ENY2: variants seen among roughly 807,000 people sequenced by gnomAD.
ENY2 encodes the protein transcription and mRNA export factor ENY2.
Under a neutral mutation model 15.9 loss-of-function variants are expected in ENY2, and 4 were observed. That is an observed-to-expected ratio of 0.25 (90% CI 0.12 to 0.57). The LOEUF is 0.57. Among genes scored for constraint, ENY2 ranks in the 20% least tolerant of loss-of-function variants. ENY2 has a pLI of 0.91. For synonymous variants in ENY2, 48 were observed against 38.0 expected (o/e 1.26, Z -0.97); for missense variants, 54 against 117.2 (o/e 0.46, Z 2.49).
chr8:109,344,592 T>G lies in ENY2; in HGVS notation c.*1111T>G, dbSNP rs1816196047. The G allele has an allele frequency of 6.6e-6, 1 of 152,198 alleles. No homozygotes were observed. Among genetic ancestry groups the G allele is most frequent in the African/African-American group, 2.4e-5 (1 of 41,440 alleles). 9.4% of individuals were successfully genotyped at this position (152,198 alleles called of 1,614,324 possible). On this transcript the variant is annotated 3_prime_UTR_variant, in exon 5 of 5. Coordinates refer to ENST00000521688, the MANE Select transcript of ENY2 (RefSeq NM_020189.6). ...CCCCCAATAATTGCCCCTGCTATAT[T>G]CCTTATTTCTGAATGGTACCTCCTA...
intron 2 of ENY2, 90 bp downstream of exon 2, chr8:109,336,294 G>A (rs980938006): frequency 5.6e-6 from 6 of 1,074,576 alleles, no homozygotes; most frequent in African/African-American, 4.8e-5. Context: ...ACATGTCACT[G>A]GAAAGAATTA....
At chr8:109,335,281 G>T (rs1815939014) in intron 1 of ENY2, 1 of 151,744 alleles carries the variant, frequency 6.6e-6, no homozygotes, top group Non-Finnish European at 1.5e-5. Flanking sequence ...TTTAGCAGTT[G>T]TAATTGTGGG....
intron 4 of ENY2, among the ~76,000 whole-genome samples, chr8:109,342,156 AC>A (rs372493260): frequency 0.079 from 11,165 of 141,738 alleles, 578 homozygotes; most frequent in Non-Finnish European, 0.12. Context: ...GTTTTAGTTA[AC>A]CCCCCCCTTT....
At chr8:109,337,642 G>A (rs1563691690) in intron 2 of ENY2, among the ~76,000 whole-genome samples, 2 of 152,154 alleles carry the variant, frequency 1.3e-5, no homozygotes, top group South Asian at 4.1e-4. Flanking sequence ...AGTGGCTCAC[G>A]CCTGTAATCC....
chr8:109,334,689 T>C (rs1815916516), intron 1 of ENY2: 2 of 573,292 alleles, frequency 3.5e-6, no homozygotes, highest in South Asian at 4.5e-5. Context: ...TGTTCTATTT[T>C]CCCTAAGAAT....
In ENY2 at chr8:109,334,371, G is replaced by C; in HGVS notation, c.-98G>C. 2 of 1,565,290 alleles carry C rather than the reference G, an allele frequency of 1.3e-6. No homozygotes were observed. The highest frequency in any genetic ancestry group is 1.8e-6 in the Non-Finnish European group (2 of 1,141,710). On this transcript the variant is annotated 5_prime_UTR_variant, in exon 1 of 5. Coordinates refer to ENST00000521688, the MANE Select transcript of ENY2 (RefSeq NM_020189.6). Reference sequence around the variant, plus strand: ...TGTGTGCTTAGGTGCCCGAGCTACTGAGGGTCTAAGTCCGGGCAGCCGAAG... The same window carrying C: ...TGTGTGCTTAGGTGCCCGAGCTACTCAGGGTCTAAGTCCGGGCAGCCGAAG...
rs1389346266 is a variant in ENY2, at chr8:109,344,222, TC to T, written c.*743del. ...TGCTGGAAAATGCGAATGTTGACCA[TC>T]CTGCCACTTGGAACTCTCTTCCCAC... On this transcript the variant is annotated 3_prime_UTR_variant, in exon 5 of 5. Transcript: ENST00000521688. 2.0e-5 allele frequency: 3 copies of T among 152,304 alleles called. No homozygotes were observed. The highest frequency in any genetic ancestry group is 4.8e-5 in the African/African-American group (2 of 41,466). The allele number at this position is 152,304 out of a possible 1,614,324, so 9.4% of individuals were successfully genotyped here. A position where few individuals can be genotyped will look rare whatever the true frequency, so the allele number is the denominator to read the frequency against.
In ENY2 at chr8:109,334,349, G is replaced by A; in HGVS notation, c.-120G>A. On this transcript the variant is annotated 5_prime_UTR_variant, in exon 1 of 5. It adds an upstream start codon to the 5' untranslated region. Coordinates refer to ENST00000521688, the MANE Select transcript of ENY2 (RefSeq NM_020189.6). ...GGAAATGCGTGTTCTAGCTTTCTGT[G>A]TGCTTAGGTGCCCGAGCTACTGAGG... is the stretch of plus-strand genomic sequence containing the variant. The A allele has an allele frequency of 1.4e-6, 2 of 1,459,754 alleles. No homozygotes were observed. Among genetic ancestry groups the A allele is most frequent in the Non-Finnish European group, 1.9e-6 (2 of 1,054,550 alleles). The allele number at this position is 1,459,754 out of a possible 1,614,324, so 90.4% of individuals were successfully genotyped here. A position where few individuals can be genotyped will look rare whatever the true frequency, so the allele number is the denominator to read the frequency against.
intron 3 of ENY2, chr8:109,340,238 A>T: frequency 2.2e-6 from 1 of 453,812 alleles, no homozygotes; most frequent in South Asian, 2.3e-5. Flanking sequence ...TGAATATTAC[A>T]GTCTAAATTT....
At chr8:109,340,102 T>C (rs1816082610) in intron 3 of ENY2, among the ~76,000 whole-genome samples, 2 of 145,134 alleles carry the variant, frequency 1.4e-5, no homozygotes, top group South Asian at 4.4e-4. Flanking sequence ...ACCTGTGAAG[T>C]GGGAAAATGC....
intron 1 of ENY2, 35 bp from the exon 2 acceptor site, chr8:109,336,093 A>C: frequency 6.2e-7 from 1 of 1,603,838 alleles, no homozygotes; most frequent in Non-Finnish European, 8.5e-7. Flanking sequence ...TGCTTTGTAA[A>C]TGTTCTATAT....
chr8:109,338,636 G>A (rs986302417), intron 2 of ENY2: 2 of 152,112 alleles, frequency 1.3e-5, no homozygotes, highest in African/African-American at 2.4e-5. Context: ...TTGTAAAAGT[G>A]GATATGGCAA....
intron 4 of ENY2, among the ~76,000 whole-genome samples, chr8:109,340,990 C>T (rs1816099635): frequency 6.6e-6 from 1 of 152,096 alleles, no homozygotes; most frequent in Admixed American, 6.5e-5. Flanking sequence ...TAAATGTCTA[C>T]TTAAGAATTT....
At chr8:109,340,860 G>C (rs550328030) in intron 4 of ENY2, 1 of 243,580 alleles carries the variant, frequency 4.1e-6, no homozygotes, top group African/African-American at 2.3e-5. Flanking sequence ...ATGAAGCTAG[G>C]ATTTATAAAC....
chr8:109,336,262 A>G, intron 2 of ENY2, 58 bp downstream of exon 2: 1 of 1,366,246 alleles, frequency 7.3e-7, no homozygotes, highest in African/African-American at 1.5e-5. Context: ...GTTAGCTTGT[A>G]AGAATCTAAA....
intron 4 of ENY2, among the ~76,000 whole-genome samples, chr8:109,342,164 C>CT (rs66571830): frequency 0.014 from 1,858 of 130,930 alleles, 26 homozygotes; most frequent in African/African-American, 0.036. Flanking sequence ...TAACCCCCCC[C>CT]TTTTTTTTTT....
At chr8:109,334,904 C>G in intron 1 of ENY2, 1 of 166,712 alleles carries the variant, frequency 6.0e-6, no homozygotes, top group East Asian at 1.7e-4. Flanking sequence ...CAAGCATTTC[C>G]TAGTTCTCAC....
At chr8:109,335,952 A>G in intron 1 of ENY2, 176 bp from the exon 2 acceptor site, 1 of 511,024 alleles carries the variant, frequency 2.0e-6, no homozygotes, top group Non-Finnish European at 3.4e-6. Flanking sequence ...ACACTGCATT[A>G]GCCCAGTGCC....
At position 109,343,917 on chromosome 8, in the gene ENY2, C is replaced by G. The variant is rs983064279; in HGVS notation, c.*436C>G. On this transcript the variant is annotated 3_prime_UTR_variant, in exon 5 of 5. Coordinates refer to ENST00000521688, the MANE Select transcript of ENY2 (RefSeq NM_020189.6). ...TTGTCTTATTCGTATTGTTTATAAA[C>G]TTTGAGGGTTAGGACTGGGTCTTAC... 1 of 153,128 alleles carries G rather than the reference C, an allele frequency of 6.5e-6. No individual in the cohort carries two copies. Among genetic ancestry groups the G allele is most frequent in the Non-Finnish European group, 1.5e-5 (1 of 68,780 alleles). 9.5% of individuals were successfully genotyped at this position (153,128 alleles called of 1,614,324 possible).
Sources: allele counts gnomAD v4.1 joint callset (sites outside exome capture counted in the v4.1 genomes callset), GRCh38; gene constraint gnomAD v4.1.1; transcripts MANE v1.5; gene names NCBI Gene and HGNC (gene_info 2026-07-23, HGNC 2026-07-21).